Variants in COPG2 observed in about 807,000 individuals in gnomAD.
The protein encoded by COPG2 is coat protein complex I subunit gamma 2, also known as coatomer subunit gamma-2.
COPG2 carries 37 observed loss-of-function variants against 46.3 expected under a neutral mutation model. That is an observed-to-expected ratio of 0.80 (90% confidence interval 0.61 to 1.05). COPG2 has a LOEUF of 1.05. Ranked by LOEUF, COPG2 falls within the 50% of genes least tolerant of loss-of-function variation. COPG2 has a pLI of 0.00. For synonymous variants in COPG2, 159 were observed against 129.7 expected (o/e 1.23, Z -1.53); for missense variants, 427 against 387.8 (o/e 1.10, Z -0.85).
chr7:130,603,273 G>A (rs925347274), intron 9 of COPG2, among the ~76,000 whole-genome samples: 1 of 152,066 alleles, frequency 6.6e-6, no homozygotes, highest in Non-Finnish European at 1.5e-5. Flanking sequence ...TATATAAAAT[G>A]TATTCATTTG....
intron 4 of COPG2, among the ~76,000 whole-genome samples, chr7:130,661,205 G>A (rs140773812): frequency 1.8e-3 from 277 of 152,226 alleles, no homozygotes; most frequent in African/African-American, 6.4e-3. Flanking sequence ...ATAAACCTCT[G>A]TGCTACAGGC....
chr7:130,515,370 C>T (rs1227197721), intron 20 of COPG2, among the ~76,000 whole-genome samples: 2 of 151,988 alleles, frequency 1.3e-5, no homozygotes, highest in Non-Finnish European at 2.9e-5. Flanking sequence ...ACAGTCAGGT[C>T]GTGTAAGAAC....
intron 5 of COPG2, chr7:130,645,279 C>T (rs1795573773): frequency 4.7e-6 from 3 of 632,092 alleles, no homozygotes; most frequent in Admixed American, 3.7e-5. Context: ...CCTGGGGGGC[C>T]ACAAAATACT....
At chr7:130,600,483 G>A (rs1489406113) in intron 9 of COPG2, among the ~76,000 whole-genome samples, 2 of 151,980 alleles carry the variant, frequency 1.3e-5, no homozygotes, top group Non-Finnish European at 1.5e-5. Context: ...GGCTGGTCTC[G>A]AACTCCTGGG....
At chr7:130,605,479 T>C (rs764177911) in intron 9 of COPG2, among the ~76,000 whole-genome samples, 7 of 152,138 alleles carry the variant, frequency 4.6e-5, no homozygotes, top group Non-Finnish European at 1.0e-4. Flanking sequence ...GCAGAAGAAA[T>C]GTGGCAGAAA....
Position 130,622,738 on chromosome 7 carries a change from C to A in COPG2, c.324-5673G>T, listed in dbSNP as rs1795060290. Reference sequence around the variant, plus strand: ...TGGCCAGCACTTTACCTGGTTTTGGCTACTTCTCCAATAGTTGACTCAAAC... The same window carrying A: ...TGGCCAGCACTTTACCTGGTTTTGGATACTTCTCCAATAGTTGACTCAAAC... On this transcript the variant is annotated intron_variant, in intron 5 of 23. Transcript: ENST00000425248. 2.6e-5 allele frequency among the ~76,000 whole-genome samples: 4 copies of A among 152,152 alleles called. No homozygotes were observed. In the South Asian group the frequency reaches 8.3e-4, roughly 31 times the overall value.
At chr7:130,620,592 C>T (rs782381603) in intron 5 of COPG2, among the ~76,000 whole-genome samples, 11 of 152,120 alleles carry the variant, frequency 7.2e-5, no homozygotes, top group Non-Finnish European at 1.6e-4. Context: ...AATTGTTATT[C>T]TATGCCTGTC....
intron 8 of COPG2, 84 bp from the exon 9 acceptor site, chr7:130,611,194 A>G: frequency 7.8e-7 from 1 of 1,279,950 alleles, no homozygotes. Context: ...ACGGAACTAG[A>G]TTAAAGATTT....
At chr7:130,663,312 C>A (rs183584120) in intron 3 of COPG2, among the ~76,000 whole-genome samples, 3 of 151,866 alleles carry the variant, frequency 2.0e-5, no homozygotes, top group African/African-American at 7.3e-5. Context: ...TAGAAAGTAT[C>A]TGAAATTTTC....
At chr7:130,642,545 G>GAA (rs1795513584) in intron 5 of COPG2, among the ~76,000 whole-genome samples, 1 of 152,066 alleles carries the variant, frequency 6.6e-6, no homozygotes, top group Non-Finnish European at 1.5e-5. Context: ...AAATGTTTTA[G>GAA]AAGTTTATCC....
chr7:130,628,191 G>A (rs1554454582), intron 5 of COPG2, among the ~76,000 whole-genome samples: 1 of 152,042 alleles, frequency 6.6e-6, no homozygotes, highest in African/African-American at 2.4e-5. Flanking sequence ...TCTGTGGTCT[G>A]GCTAGTTTTA....
At position 130,653,070 on chromosome 7, in the gene COPG2, C is replaced by T. The variant is rs1267405992; in HGVS notation, c.244-122G>A. 6 of 607,442 alleles carry T rather than the reference C, an allele frequency of 9.9e-6. No individual in the cohort carries two copies. In the African/African-American group the frequency reaches 1.3e-4, roughly 13 times the overall value. 37.6% of individuals were successfully genotyped at this position (607,442 alleles called of 1,614,324 possible). On this transcript the variant is annotated intron_variant, in intron 4 of 23. Transcript: ENST00000425248. Reference sequence around the variant, plus strand: ...AAGATATTCTTTAAAAGAGTCTCATCTACCAAAAAAAAAAATTAATATCTG... The same window carrying T: ...AAGATATTCTTTAAAAGAGTCTCATTTACCAAAAAAAAAAATTAATATCTG...
In COPG2 at chr7:130,523,235, G is replaced by T. The variant is rs1799740772; in HGVS notation, c.2150-14576C>A. Among the ~76,000 whole-genome samples the T allele has an allele frequency of 3.3e-5, 5 of 151,904 alleles. No homozygotes were observed. In the South Asian group the frequency reaches 8.3e-4, roughly 25 times the overall value. ...ACATCAGTGATTCTTATCTGAGGTG[G>T]GGGGTGGGTTTCACCCGAGGGAGGG... On this transcript the variant is annotated intron_variant, in intron 20 of 23. Coordinates refer to ENST00000425248, the MANE Select transcript of COPG2 (RefSeq NM_012133.6).
chr7:130,636,574 G>A (rs1238771423), intron 5 of COPG2, among the ~76,000 whole-genome samples: 6 of 98,592 alleles, frequency 6.1e-5, no homozygotes, highest in Non-Finnish European at 1.2e-4. Context: ...TCATTTGCTT[G>A]GTAAATATTC....
intron 20 of COPG2, among the ~76,000 whole-genome samples, chr7:130,531,208 G>A (rs1799821933): frequency 7.2e-6 from 1 of 139,292 alleles, no homozygotes; most frequent in African/African-American, 2.7e-5. Context: ...TGGGGAGTGG[G>A]GTATGTTGAG....
chr7:130,553,928 A>G (rs971088572), intron 14 of COPG2, among the ~76,000 whole-genome samples: 22 of 152,364 alleles, frequency 1.4e-4, no homozygotes, highest in Non-Finnish European at 2.6e-4. Context: ...CAACTAGTTT[A>G]TAAGTAATTT....
chr7:130,623,069 C>T (rs553902050), intron 5 of COPG2, among the ~76,000 whole-genome samples: 82 of 152,262 alleles, frequency 5.4e-4, no homozygotes, highest in South Asian at 3.9e-3. Context: ...CAGTTTGTGG[C>T]CCTGACTTCT....
rs183458969 is a variant in COPG2 at position 130,651,805 on chromosome 7, C to T, written c.323+1064G>A. On this transcript the variant is annotated intron_variant, in intron 5 of 23. Coordinates refer to ENST00000425248, the MANE Select transcript of COPG2 (RefSeq NM_012133.6). Reference sequence around the variant, plus strand: ...TGCTGGGATTACAGGTGTGAGCCACCGCGCCCGGCCAATTTTTTTGTATTT... The same window carrying T: ...TGCTGGGATTACAGGTGTGAGCCACTGCGCCCGGCCAATTTTTTTGTATTT... Among the ~76,000 whole-genome samples, 858 of 152,040 alleles carry T rather than the reference C, an allele frequency of 5.6e-3. 3 individuals are homozygous for T. The highest frequency in any genetic ancestry group is 9.0e-3 in the Non-Finnish European group (615 of 67,962).
At chr7:130,666,751 T>C in intron 3 of COPG2, 98 bp downstream of exon 3, 1 of 651,868 alleles carries the variant, frequency 1.5e-6, no homozygotes, top group South Asian at 1.8e-5. Context: ...TTAAGTGAAT[T>C]TAAAATAAAT....
Sources: allele counts gnomAD v4.1 joint callset (sites outside exome capture counted in the v4.1 genomes callset), GRCh38; gene constraint gnomAD v4.1.1; transcripts MANE v1.5; gene names NCBI Gene and HGNC (gene_info 2026-07-23, HGNC 2026-07-21).